Variants in EFNA5 observed in about 807,000 individuals in gnomAD.
EFNA5 encodes the protein ephrin-A5.
Under a neutral mutation model 22.9 loss-of-function variants are expected in EFNA5, and 5 were observed. That is an observed-to-expected ratio of 0.22 (90% confidence interval 0.11 to 0.46). The LOEUF is 0.46. Ranked by LOEUF, EFNA5 falls within the 20% of genes least tolerant of loss-of-function variation. The probability of loss-of-function intolerance (pLI) is 0.99; values close to 1 mark genes in which losing one functional copy is unlikely to be tolerated. For synonymous variants in EFNA5, 113 were observed against 112.2 expected (o/e 1.01, Z -0.04); for missense variants, 237 against 293.3 (o/e 0.81, Z 1.40).
intron 1 of EFNA5, among the ~76,000 whole-genome samples, chr5:107,500,538 G>T (rs1332586004): frequency 6.6e-6 from 1 of 152,128 alleles, no homozygotes; most frequent in Non-Finnish European, 1.5e-5. Flanking sequence ...CTAGAAGAGA[G>T]CAGGCAAGGC....
chr5:107,384,768 ATT>A (rs61305329), intron 4 of EFNA5, among the ~76,000 whole-genome samples: 7,642 of 92,630 alleles, frequency 0.083, 260 homozygotes, highest in Non-Finnish European at 0.11. Context: ...CACACACCAC[ATT>A]TTTTTTTTTT....
intron 2 of EFNA5, among the ~76,000 whole-genome samples, chr5:107,402,637 G>C (rs1296946455): frequency 6.6e-6 from 1 of 152,208 alleles, no homozygotes; most frequent in Non-Finnish European, 1.5e-5. Context: ...TCCGGGTGTG[G>C]ATACACTACT....
At chr5:107,644,631 C>T (rs1750592910) in intron 1 of EFNA5, among the ~76,000 whole-genome samples, 1 of 152,142 alleles carries the variant, frequency 6.6e-6, no homozygotes, top group Admixed American at 6.5e-5. Context: ...ATAATAGATG[C>T]TCAATCAAGA....
At chr5:107,570,310 G>A (rs965781354) in intron 1 of EFNA5, among the ~76,000 whole-genome samples, 3 of 152,178 alleles carry the variant, frequency 2.0e-5, no homozygotes, top group Admixed American at 2.0e-4. Flanking sequence ...AACAGACACA[G>A]TGAATCCAAA....
chr5:107,505,650 T>C (rs920022497), intron 1 of EFNA5, among the ~76,000 whole-genome samples: 2 of 152,206 alleles, frequency 1.3e-5, no homozygotes, highest in African/African-American at 4.8e-5. Context: ...GTGAATATAT[T>C]AACTGATTGC....
chr5:107,464,535 C>T (rs1413122061), intron 1 of EFNA5, among the ~76,000 whole-genome samples: 1 of 152,058 alleles, frequency 6.6e-6, no homozygotes, highest in African/African-American at 2.4e-5. Context: ...GATTCTGAGC[C>T]CAGACCTTCT....
chr5:107,649,971 C>T (rs1041840939), intron 1 of EFNA5, among the ~76,000 whole-genome samples: 3 of 152,128 alleles, frequency 2.0e-5, no homozygotes, highest in South Asian at 4.1e-4. Context: ...ACCAACCCAC[C>T]TCAAGTTCTT....
intron 1 of EFNA5, among the ~76,000 whole-genome samples, chr5:107,444,881 T>C (rs190068197): frequency 4.6e-5 from 7 of 152,298 alleles, no homozygotes; most frequent in Non-Finnish European, 1.0e-4. Context: ...TGGGAATATA[T>C]ATACATATTA....
chr5:107,585,547 T>C (rs1325955325), intron 1 of EFNA5, among the ~76,000 whole-genome samples: 1 of 152,176 alleles, frequency 6.6e-6, no homozygotes, highest in Non-Finnish European at 1.5e-5. Context: ...ATAGCACCCA[T>C]TTCTTATCTA....
intron 2 of EFNA5, among the ~76,000 whole-genome samples, chr5:107,395,286 G>A (rs1012780781): frequency 6.6e-6 from 1 of 151,978 alleles, no homozygotes; most frequent in African/African-American, 2.4e-5. Context: ...TGATCCCCCT[G>A]CCTCAGCCTG....
chr5:107,518,944 T>C (rs975509452), intron 1 of EFNA5, among the ~76,000 whole-genome samples: 2 of 152,216 alleles, frequency 1.3e-5, no homozygotes, highest in African/African-American at 2.4e-5. Flanking sequence ...TAAAGATCCC[T>C]GTGACCCAAA....
intron 1 of EFNA5, among the ~76,000 whole-genome samples, chr5:107,432,734 G>C (rs1471121331): frequency 6.6e-6 from 1 of 152,082 alleles, no homozygotes; most frequent in Non-Finnish European, 1.5e-5. Flanking sequence ...CTGCTCCCCA[G>C]AAGGCTGCAT....
chr5:107,465,631 G>T (rs1749956706), intron 1 of EFNA5, among the ~76,000 whole-genome samples: 1 of 152,054 alleles, frequency 6.6e-6, no homozygotes, highest in Admixed American at 6.6e-5. Flanking sequence ...ACTATCAGAG[G>T]TTTTATTCTC....
chr5:107,450,725 C>T (rs190788800), intron 1 of EFNA5, among the ~76,000 whole-genome samples: 9 of 152,298 alleles, frequency 5.9e-5, no homozygotes, highest in East Asian at 3.9e-4. Flanking sequence ...TTGTAAGAGA[C>T]GCTGGGGGTG....
Position 107,387,330 on chromosome 5 carries a change from G to A in EFNA5, c.485-15C>T. On this transcript the variant is annotated splice_polypyrimidine_tract_variant and intron_variant, in intron 3 of 4. Coordinates refer to ENST00000333274, the MANE Select transcript of EFNA5 (RefSeq NM_001962.3). Reference sequence around the variant, plus strand: ...CATACAGCTATCTATAACAAAAATAGAGATAACAGCCAAATATGTTAGTGA... The same window carrying A: ...CATACAGCTATCTATAACAAAAATAAAGATAACAGCCAAATATGTTAGTGA... 7.1e-6 allele frequency: 11 copies of A among 1,546,238 alleles called. No homozygotes were observed. Among genetic ancestry groups the A allele is most frequent in the Non-Finnish European group, 8.9e-6 (10 of 1,129,290 alleles).
chr5:107,530,552 T>C (rs1217384108), intron 1 of EFNA5, among the ~76,000 whole-genome samples: 1 of 152,248 alleles, frequency 6.6e-6, no homozygotes, highest in Non-Finnish European at 1.5e-5. Context: ...TGGCTGTGAT[T>C]TCAAATGGCC....
At chr5:107,645,905 T>C (rs1406720024) in intron 1 of EFNA5, among the ~76,000 whole-genome samples, 1 of 152,224 alleles carries the variant, frequency 6.6e-6, no homozygotes, top group Non-Finnish European at 1.5e-5. Context: ...AGCCGTCACC[T>C]GTTTTGCCAT....
At chr5:107,607,425 C>T (rs535918299) in intron 1 of EFNA5, among the ~76,000 whole-genome samples, 1 of 152,198 alleles carries the variant, frequency 6.6e-6, no homozygotes, top group Non-Finnish European at 1.5e-5. Context: ...TAATCAATAC[C>T]TTAAAAAACC....
chr5:107,494,221 T>A (rs577987060), intron 1 of EFNA5, among the ~76,000 whole-genome samples: 2 of 152,122 alleles, frequency 1.3e-5, no homozygotes, highest in South Asian at 4.2e-4. Context: ...CGGAGCCCGC[T>A]CCCTCAGCTT....
Sources: allele counts gnomAD v4.1 joint callset (sites outside exome capture counted in the v4.1 genomes callset), GRCh38; gene constraint gnomAD v4.1.1; transcripts MANE v1.5; gene names NCBI Gene and HGNC (gene_info 2026-07-23, HGNC 2026-07-21).